SLC44A5: variants seen among roughly 807,000 people sequenced by gnomAD.
SLC44A5 encodes the protein solute carrier family 44 member 5, also known as choline transporter-like protein 5.
A neutral mutation model predicts 101.8 loss-of-function variants in SLC44A5; 57 were observed. That is an observed-to-expected ratio of 0.56 (90% confidence interval 0.45 to 0.70). SLC44A5 has a LOEUF of 0.70. Among genes scored for constraint, SLC44A5 ranks in the 30% least tolerant of loss-of-function variants. SLC44A5 has a pLI of 0.00. For missense variants in SLC44A5, 737 were observed against 853.1 expected (o/e 0.86, Z 1.70); for synonymous variants, 281 against 290.9 (o/e 0.97, Z 0.35).
the SLC44A5 span, among the ~76,000 whole-genome samples, chr1:75,718,580 A>G: frequency 6.6e-6 from 1 of 152,220 alleles, no homozygotes; most frequent in Non-Finnish European, 1.5e-5. Flanking sequence ...TGCCCAGAAG[A>G]GTACATAATA....
At chr1:75,367,815 C>T (rs2101149254) in intron 3 of SLC44A5, among the ~76,000 whole-genome samples, 1 of 152,300 alleles carries the variant, frequency 6.6e-6, no homozygotes, top group Middle Eastern at 3.4e-3. Flanking sequence ...TAGGGTCTAC[C>T]AGAGCTTACA....
intron 4 of SLC44A5, among the ~76,000 whole-genome samples, chr1:75,337,051 A>T (rs544636430): frequency 5.2e-4 from 79 of 152,284 alleles, no homozygotes; most frequent in Non-Finnish European, 5.0e-4. Flanking sequence ...GTTTAAACCC[A>T]TAAGTGAAGC....
At chr1:75,607,741 C>G (rs1396648697) in intron 1 of SLC44A5, among the ~76,000 whole-genome samples, 1 of 151,954 alleles carries the variant, frequency 6.6e-6, no homozygotes, top group African/African-American at 2.4e-5. Context: ...CCTGTACATG[C>G]TATCTTGCAT....
At chr1:75,225,965 G>A (rs1369982632) in intron 13 of SLC44A5, among the ~76,000 whole-genome samples, 2 of 152,126 alleles carry the variant, frequency 1.3e-5, no homozygotes, top group Non-Finnish European at 2.9e-5. Flanking sequence ...AAAACTAGAA[G>A]TTTCAATACA....
At chr1:75,455,724 A>G (rs1454626167) in intron 2 of SLC44A5, among the ~76,000 whole-genome samples, 1 of 152,154 alleles carries the variant, frequency 6.6e-6, no homozygotes, top group East Asian at 1.9e-4. Context: ...TCTCAAAATA[A>G]GACATACAAG....
intron 5 of SLC44A5, among the ~76,000 whole-genome samples, chr1:75,296,363 T>C (rs1439567011): frequency 2.7e-5 from 2 of 74,088 alleles, no homozygotes; most frequent in African/African-American, 5.7e-5. Context: ...CCAGTTTTTT[T>C]TTCTTTTTTT....
chr1:75,388,090 T>C (rs534750898), intron 3 of SLC44A5, among the ~76,000 whole-genome samples: 2,504 of 125,488 alleles, frequency 0.02, 80 homozygotes, highest in African/African-American at 0.052. Flanking sequence ...AGGGATAGCA[T>C]TGGGAGATAT....
chr1:75,392,395 G>A (rs1169359265), intron 3 of SLC44A5, among the ~76,000 whole-genome samples: 3 of 151,904 alleles, frequency 2.0e-5, no homozygotes, highest in Non-Finnish European at 2.9e-5. Flanking sequence ...AGAAACAAAC[G>A]AAAAAAATGC....
intron 1 of SLC44A5, among the ~76,000 whole-genome samples, chr1:75,583,749 C>G (rs184970450): frequency 6.8e-4 from 103 of 152,308 alleles, no homozygotes; most frequent in African/African-American, 2.4e-3. Context: ...CAGCCAGGGA[C>G]AGAGATGACA....
chr1:75,506,951 C>A (rs1201587721), intron 2 of SLC44A5, among the ~76,000 whole-genome samples: 1 of 139,452 alleles, frequency 7.2e-6, no homozygotes, highest in Non-Finnish European at 1.5e-5. Context: ...GTCTCACTGC[C>A]CAGGCTGGAA....
intron 10 of SLC44A5, among the ~76,000 whole-genome samples, chr1:75,237,786 GC>G (rs1648231274): frequency 6.6e-6 from 1 of 152,038 alleles, no homozygotes; most frequent in South Asian, 2.1e-4. Context: ...AATCATGCAA[GC>G]TGCTATTGTA....
chr1:75,252,072 C>T (rs1649623429), intron 6 of SLC44A5, among the ~76,000 whole-genome samples: 3 of 152,086 alleles, frequency 2.0e-5, no homozygotes, highest in Admixed American at 6.6e-5. Flanking sequence ...AAGGAAAACC[C>T]GAAGTGTTTG....
At chr1:75,484,961 A>C (rs1295839939) in intron 2 of SLC44A5, among the ~76,000 whole-genome samples, 1 of 152,244 alleles carries the variant, frequency 6.6e-6, no homozygotes, top group African/African-American at 2.4e-5. Flanking sequence ...TTCACAGAGC[A>C]GCAAGGCCAT....
chr1:75,289,729 C>T (rs1045817215), intron 5 of SLC44A5, among the ~76,000 whole-genome samples: 3 of 152,260 alleles, frequency 2.0e-5, no homozygotes, highest in East Asian at 1.9e-4. Context: ...GATTTATAGA[C>T]GGCTGTGGAG....
chr1:75,297,533 C>T (rs1331150811), intron 5 of SLC44A5, among the ~76,000 whole-genome samples: 1 of 152,146 alleles, frequency 6.6e-6, no homozygotes, highest in African/African-American at 2.4e-5. Context: ...TATCAGCCAG[C>T]CTTGGCCTCC....
chr1:75,323,052 T>C (rs1427932601), intron 4 of SLC44A5, among the ~76,000 whole-genome samples: 2 of 150,666 alleles, frequency 1.3e-5, no homozygotes, highest in Non-Finnish European at 3.0e-5. Flanking sequence ...TAACTCGTCA[T>C]CTAGCATTAG....
intron 2 of SLC44A5, among the ~76,000 whole-genome samples, chr1:75,494,079 G>T (rs1417018383): frequency 6.6e-6 from 1 of 152,168 alleles, no homozygotes; most frequent in Non-Finnish European, 1.5e-5. Context: ...GAACCTTTGA[G>T]AGGTGATTAG....
the SLC44A5 span, among the ~76,000 whole-genome samples, chr1:75,673,115 C>G: frequency 2.6e-5 from 4 of 152,054 alleles, 1 homozygote; most frequent in South Asian, 6.2e-4. Context: ...GTTACCAGCT[C>G]AGCCACAGTG....
chr1:75,368,666 CACACACCA>C (rs1246486523), intron 3 of SLC44A5, among the ~76,000 whole-genome samples: 2 of 149,060 alleles, frequency 1.3e-5, no homozygotes, highest in African/African-American at 2.5e-5. Flanking sequence ...CACACACACA[CACACACCA>C]CACTCAAATT....
Sources: gnomAD v4.1 joint callset for allele counts (sites outside exome capture counted in the v4.1 genomes callset) on GRCh38, gnomAD v4.1.1 for gene constraint, MANE v1.5 for transcripts, NCBI Gene and HGNC (gene_info 2026-07-23, HGNC 2026-07-21) for gene names.